SMPD4: variants seen among roughly 807,000 people sequenced by gnomAD.
SMPD4 encodes sphingomyelin phosphodiesterase 4.
In SMPD4, 58 loss-of-function variants were observed where a neutral mutation model predicts 97.8. That is an observed-to-expected ratio of 0.59 (90% confidence interval 0.48 to 0.74). The LOEUF (loss-of-function observed/expected upper bound fraction) is 0.74, where lower values mean the gene tolerates loss of function less well. Ranked by LOEUF, SMPD4 falls within the 30% of genes least tolerant of loss-of-function variation. The probability of loss-of-function intolerance (pLI) is 0.00; values close to 1 mark genes in which losing one functional copy is unlikely to be tolerated. For missense variants in SMPD4, 853 were observed against 1,080.5 expected (o/e 0.79, Z 2.95); for synonymous variants, 388 against 450.0 (o/e 0.86, Z 1.74).
intron 2 of SMPD4, among the ~76,000 whole-genome samples, chr2:130,175,697 C>T (rs539202306): frequency 4.1e-4 from 62 of 152,300 alleles, no homozygotes; most frequent in African/African-American, 1.4e-3. Flanking sequence ...AGAAAAAGGG[C>T]ATCTGTGCGA....
intron 8 of SMPD4, among the ~76,000 whole-genome samples, chr2:130,168,821 A>G (rs1334440704): frequency 1.3e-5 from 2 of 150,648 alleles, no homozygotes; most frequent in Non-Finnish European, 2.9e-5. Context: ...TCCTGGGTGC[A>G]AGCAATCCTC....
In SMPD4 at chr2:130,153,751, G is replaced by A. The variant is rs750077744; in HGVS notation, c.1844C>T (p.Thr615Ile). ...DEMGQDSVRK[T>I]DEYLEKALEY... ...CAGGGCCTTCTCCAGGTATTCATCT[G>A]TCTTCCGGACACTGTCTTGCCCCAT... The change falls in exon 17 of 20, where the codon ACA (threonine) becomes ATA (isoleucine). Residue 615 changes from threonine to isoleucine, a missense_variant. Physicochemically the swap from Thr to Ile is moderately conservative, Grantham distance 89 (BLOSUM62 -1). Coordinates refer to ENST00000680298, the MANE Select transcript of SMPD4 (RefSeq NM_017951.5). The A allele has an allele frequency of 4.6e-5, 74 of 1,613,860 alleles. No individual in the cohort carries two copies. In the South Asian group the frequency reaches 7.7e-4, roughly 17 times the overall value.
intron 1 of SMPD4, among the ~76,000 whole-genome samples, chr2:130,177,107 C>G (rs199754997): frequency 0.025 from 3,066 of 122,818 alleles, no homozygotes; most frequent in East Asian, 0.12. Context: ...TAGAGACAGG[C>G]TCTTGCTTGC....
At chr2:130,169,043 C>T (rs1174070571) in intron 8 of SMPD4, among the ~76,000 whole-genome samples, 1 of 152,066 alleles carries the variant, frequency 6.6e-6, no homozygotes, top group Non-Finnish European at 1.5e-5. Flanking sequence ...AACCTGGGCA[C>T]AAAGTAATTA....
chr2:130,174,566 G>A (rs1688794756), intron 3 of SMPD4, among the ~76,000 whole-genome samples: 2 of 152,164 alleles, frequency 1.3e-5, no homozygotes. Flanking sequence ...ATACTTCTTT[G>A]TCGCAGGGAG....
At chr2:130,164,913 C>A (rs530935991) in intron 9 of SMPD4, among the ~76,000 whole-genome samples, 1 of 151,810 alleles carries the variant, frequency 6.6e-6, no homozygotes, top group South Asian at 2.1e-4. Context: ...TCCAGACCAG[C>A]CTGGCCAACA....
intron 17 of SMPD4, 30 bp downstream of exon 17, chr2:130,153,672 T>C (rs1165316295): frequency 6.2e-7 from 1 of 1,607,680 alleles, no homozygotes; most frequent in Admixed American, 1.7e-5. Flanking sequence ...GGGACCCTGA[T>C]GGCGGTGGGG....
intron 9 of SMPD4, among the ~76,000 whole-genome samples, chr2:130,167,161 C>T (rs1688015600): frequency 6.6e-6 from 1 of 151,628 alleles, no homozygotes; most frequent in Non-Finnish European, 1.5e-5. Flanking sequence ...AGTTCTGTCA[C>T]CCAGGCTGGA....
rs752507818 is a variant in SMPD4 at position 130,156,089 on chromosome 2, G to A, written c.1235C>T (p.Pro412Leu). ...GTCGCTGCCCGGAGCCTGCTTGTCA[G>A]GCGCGTACCGCCACGGCTGCAGGTA... is the stretch of plus-strand genomic sequence containing the variant. Reference protein sequence around the residue: ...LSYLQPWRYAPDKQAPGSDSQ... With the variant: ...LSYLQPWRYALDKQAPGSDSQ... Residue 412 changes from proline (P) to leucine (L), a missense_variant, in exon 14 of 20, where the codon CCT becomes CTT. Transcript: ENST00000680298. The A allele has an allele frequency of 1.2e-6, 2 of 1,611,286 alleles. No homozygotes were observed. The highest frequency in any genetic ancestry group is 1.7e-6 in the Non-Finnish European group (2 of 1,179,874).
intron 8 of SMPD4, among the ~76,000 whole-genome samples, chr2:130,170,388 G>A (rs1688333078): frequency 6.9e-6 from 1 of 144,350 alleles, no homozygotes; most frequent in South Asian, 2.2e-4. Context: ...TTGGGACTGA[G>A]CCAGGAGAAT....
intron 11 of SMPD4, among the ~76,000 whole-genome samples, chr2:130,160,125 ACAG>A: frequency 6.6e-6 from 1 of 152,004 alleles, no homozygotes; most frequent in Non-Finnish European, 1.5e-5. Context: ...GCTGAGACTC[ACAG>A]CACCTCAGCT....
chr2:130,181,328 A>G, intron 1 of SMPD4: 1 of 1,426,270 alleles, frequency 7.0e-7, no homozygotes, highest in Non-Finnish European at 9.1e-7. Flanking sequence ...GCCGCGCGGG[A>G]AGGTGGCACA....
rs149250077 is a variant in SMPD4, at chr2:130,152,701, G to A, written c.2338C>T (p.Leu780=). 9.1e-4 allele frequency: 1,427 copies of A among 1,576,034 alleles called. 3 individuals carry two copies. The highest frequency in any genetic ancestry group is 1.2e-3 in the Non-Finnish European group (1,337 of 1,162,168). The change falls in exon 20 of 20, where the codon CTG becomes TTG. Residue 780 remains leucine, a synonymous_variant. Coordinates refer to ENST00000680298, the MANE Select transcript of SMPD4 (RefSeq NM_017951.5). The part of the protein sequence containing the change: ...SLRFLGSYRT[L]VSLLLAFFVA... ...AAGAAGGCCAGCAGCAGCGAGACCA[G>A]CGTCCGGTAACTGCCCAGGAAGCGC...
At chr2:130,161,653 C>T (rs34463896) in intron 10 of SMPD4, among the ~76,000 whole-genome samples, 56,467 of 151,868 alleles carry the variant, frequency 0.37, 10,710 homozygotes, top group East Asian at 0.46. Context: ...CCCTTCAAGA[C>T]GGGACCCACT....
chr2:130,155,146 C>T lies in SMPD4; in HGVS notation c.1403G>A (p.Arg468Gln). Residue 468 changes from arginine (R) to glutamine (Q), a missense_variant, in exon 15 of 20, where the codon CGA becomes CAA. Around this residue, in one of 3 missense-constraint regions of SMPD4, gnomAD observed 511 missense variants for 608.1 expected, o/e 0.84. Coordinates refer to ENST00000680298, the MANE Select transcript of SMPD4 (RefSeq NM_017951.5). Reference protein sequence around the residue: ...VSPKHALMVFRVAKVFAQPNL... With the variant: ...VSPKHALMVFQVAKVFAQPNL... The stretch of plus-strand genomic sequence containing the variant: ...GGGCTGGGCAAAGACTTTGGCCACT[C>T]GGAACACCATGAGCGCGTGCTTGGG... 1 of 1,614,192 alleles carries T rather than the reference C, an allele frequency of 6.2e-7. No individual in the cohort carries two copies. The highest frequency in any genetic ancestry group is 8.5e-7 in the Non-Finnish European group (1 of 1,180,046).
chr2:130,158,650 G>A (rs1198917207), intron 11 of SMPD4, among the ~76,000 whole-genome samples: 1 of 152,158 alleles, frequency 6.6e-6, no homozygotes. Flanking sequence ...AGCCTTTTTG[G>A]TGGCCATGGG....
intron 3 of SMPD4, 22 bp from the exon 4 acceptor site, chr2:130,173,678 C>A (rs1283126650): frequency 7.4e-6 from 12 of 1,613,514 alleles, no homozygotes; most frequent in Non-Finnish European, 1.0e-5. Flanking sequence ...TGTGGTGAAG[C>A]CGCGTGCAGG....
intron 9 of SMPD4, among the ~76,000 whole-genome samples, chr2:130,165,399 C>T (rs1687837482): frequency 6.7e-6 from 1 of 149,666 alleles, no homozygotes; most frequent in Non-Finnish European, 1.5e-5. Context: ...CCACTCCAAC[C>T]TGGGCAACAA....
intron 6 of SMPD4, 48 bp downstream of exon 6, chr2:130,172,739 G>A: frequency 6.2e-7 from 1 of 1,614,196 alleles, no homozygotes; most frequent in Non-Finnish European, 8.5e-7. Flanking sequence ...TCAGTGTCAA[G>A]TGCTGGGCCA....
Sources: allele counts gnomAD v4.1 joint callset (sites outside exome capture counted in the v4.1 genomes callset), GRCh38; gene constraint gnomAD v4.1.1; regional missense constraint gnomAD v4.1.1; transcripts MANE v1.5; gene names NCBI Gene and HGNC (gene_info 2026-07-23, HGNC 2026-07-21).